Variants in CFAP299 observed in about 807,000 individuals in gnomAD.
CFAP299 encodes cilia- and flagella-associated protein 299.
In CFAP299, 21 loss-of-function variants were observed where a neutral mutation model predicts 27.0. That is an observed-to-expected ratio of 0.78 (90% confidence interval 0.55 to 1.12). CFAP299 has a LOEUF of 1.12. Ranked by LOEUF, CFAP299 falls within the 50% of genes most tolerant of loss-of-function variation. CFAP299 has a pLI of 0.00. For missense variants in CFAP299, 310 were observed against 276.6 expected, an observed-to-expected ratio of 1.12 and a Z score of -0.86; for synonymous variants, 104 against 98.1, an observed-to-expected ratio of 1.06 and a Z score of -0.36.
intron 3 of CFAP299, among the ~76,000 whole-genome samples, chr4:80,859,844 T>C (rs1308151833): frequency 2.0e-5 from 3 of 152,218 alleles, no homozygotes; most frequent in African/African-American, 7.2e-5. Context: ...GCCCTTAACA[T>C]TTTTTCCTTC....
chr4:80,579,861 C>A (rs1438952019), intron 2 of CFAP299, among the ~76,000 whole-genome samples: 3 of 152,050 alleles, frequency 2.0e-5, no homozygotes, highest in Non-Finnish European at 4.4e-5. Context: ...ACAGGCAAAA[C>A]TGATGTGATC....
chr4:80,505,042 T>C (rs1184178398), intron 2 of CFAP299, among the ~76,000 whole-genome samples: 1 of 149,470 alleles, frequency 6.7e-6, no homozygotes, highest in Non-Finnish European at 1.5e-5. Context: ...AAATCATTTA[T>C]ATATCATTTA....
In CFAP299 at chr4:80,904,409, T is replaced by A. The variant is rs917333848; in HGVS notation, c.476+34274T>A. On this transcript the variant is annotated intron_variant, in intron 4 of 5. Coordinates refer to ENST00000358105, the MANE Select transcript of CFAP299 (RefSeq NM_152770.3). ...TCTCCACCCCAGGTCCTAGTCAGAT[T>A]GGCAGTTGGGAACCTTTTGCTTGGG... Among the ~76,000 whole-genome samples the A allele has an allele frequency of 2.0e-5, 3 of 152,296 alleles. 1 individual carries two copies. The South Asian group carries it at 6.2e-4, about 32-fold the overall frequency.
chr4:80,740,912 C>T (rs1724223748), intron 3 of CFAP299, among the ~76,000 whole-genome samples: 1 of 152,090 alleles, frequency 6.6e-6, no homozygotes, highest in Admixed American at 6.5e-5. Flanking sequence ...CGAATGCTGC[C>T]AGGCGTGGGA....
chr4:80,390,732 T>G (rs147412557), intron 2 of CFAP299, among the ~76,000 whole-genome samples: 5 of 145,594 alleles, frequency 3.4e-5, no homozygotes, highest in Admixed American at 2.8e-4. Context: ...TACATGTATA[T>G]ATGTATATAT....
At chr4:80,445,950 A>G (rs977229218) in intron 2 of CFAP299, among the ~76,000 whole-genome samples, 1 of 152,200 alleles carries the variant, frequency 6.6e-6, no homozygotes, top group African/African-American at 2.4e-5. Flanking sequence ...TGGCCTCTTT[A>G]AAAACTTTCA....
chr4:80,711,819 AC>A (rs1722191574), intron 3 of CFAP299, among the ~76,000 whole-genome samples: 1 of 152,180 alleles, frequency 6.6e-6, no homozygotes, highest in Non-Finnish European at 1.5e-5. Flanking sequence ...AAATGAGGCA[AC>A]TTCAAGATTA....
At chr4:80,805,538 G>T (rs1350361748) in intron 3 of CFAP299, among the ~76,000 whole-genome samples, 3 of 152,014 alleles carry the variant, frequency 2.0e-5, no homozygotes. Context: ...AACTCTTGGA[G>T]TACAAATAAA....
chr4:80,455,416 C>T (rs370572134), intron 2 of CFAP299, among the ~76,000 whole-genome samples: 3 of 152,072 alleles, frequency 2.0e-5, no homozygotes, highest in Admixed American at 1.3e-4. Flanking sequence ...GATACTTATT[C>T]GAATTATATA....
At chr4:80,644,942 A>G (rs571376712) in intron 3 of CFAP299, among the ~76,000 whole-genome samples, 1 of 152,290 alleles carries the variant, frequency 6.6e-6, no homozygotes, top group South Asian at 2.1e-4. Flanking sequence ...TTTCAGCAGC[A>G]TTAATCATAC....
intron 4 of CFAP299, among the ~76,000 whole-genome samples, chr4:80,928,903 A>T (rs753154139): frequency 1.3e-5 from 2 of 152,006 alleles, no homozygotes; most frequent in African/African-American, 4.8e-5. Context: ...GTATTATTCT[A>T]TCATAACTCT....
intron 3 of CFAP299, among the ~76,000 whole-genome samples, chr4:80,626,085 A>G (rs1738883579): frequency 1.3e-5 from 2 of 151,976 alleles, no homozygotes; most frequent in African/African-American, 4.8e-5. Context: ...CAGAATATAT[A>G]TTATTTTATT....
intron 5 of CFAP299, among the ~76,000 whole-genome samples, chr4:80,946,348 G>A (rs1281930071): frequency 3.3e-5 from 5 of 152,034 alleles, no homozygotes; most frequent in African/African-American, 4.8e-5. Context: ...GGCCAAAATA[G>A]GTCTCCAGCC....
chr4:80,409,862 T>C (rs1301583767), intron 2 of CFAP299, among the ~76,000 whole-genome samples: 1 of 152,218 alleles, frequency 6.6e-6, no homozygotes, highest in African/African-American at 2.4e-5. Flanking sequence ...TGGAATGTTT[T>C]ATCAAGAGAG....
At chr4:80,740,187 A>C (rs1724173063) in intron 3 of CFAP299, among the ~76,000 whole-genome samples, 1 of 152,276 alleles carries the variant, frequency 6.6e-6, no homozygotes, top group East Asian at 1.9e-4. Flanking sequence ...TGGTGAGGCC[A>C]TGTTTTTCTG....
intron 2 of CFAP299, among the ~76,000 whole-genome samples, chr4:80,487,146 T>C (rs1479426240): frequency 6.6e-6 from 1 of 152,212 alleles, no homozygotes; most frequent in Non-Finnish European, 1.5e-5. Flanking sequence ...GAAACTAGCA[T>C]AAAATAACTC....
intron 3 of CFAP299, among the ~76,000 whole-genome samples, chr4:80,693,867 C>T (rs943699617): frequency 1.3e-4 from 20 of 151,860 alleles, no homozygotes; most frequent in East Asian, 1.2e-3. Flanking sequence ...AGAGCATTAG[C>T]TTCCATCATT....
intron 4 of CFAP299, among the ~76,000 whole-genome samples, chr4:80,880,114 A>G (rs989278600): frequency 5.9e-5 from 9 of 152,074 alleles, no homozygotes; most frequent in African/African-American, 2.2e-4. Context: ...GAGGAAAGAA[A>G]GGAGAAACAG....
intron 3 of CFAP299, among the ~76,000 whole-genome samples, chr4:80,700,893 C>T (rs1378514311): frequency 6.6e-6 from 1 of 151,920 alleles, no homozygotes; most frequent in African/African-American, 2.4e-5. Context: ...CTAATAAATA[C>T]TAATGATTTA....
Sources: gnomAD v4.1 joint callset for allele counts (sites outside exome capture counted in the v4.1 genomes callset) on GRCh38, gnomAD v4.1.1 for gene constraint, MANE v1.5 for transcripts, NCBI Gene and HGNC (gene_info 2026-07-23, HGNC 2026-07-21) for gene names.